PPFIA2: variants seen among roughly 807,000 people sequenced by gnomAD.
The protein encoded by PPFIA2 is liprin-alpha-2.
Under a neutral mutation model 175.5 loss-of-function variants are expected in PPFIA2, and 46 were observed. That is an observed-to-expected ratio of 0.26 (90% CI 0.21 to 0.34). PPFIA2 has a LOEUF of 0.34. Among genes scored for constraint, PPFIA2 ranks in the 10% least tolerant of loss-of-function variants. The probability of loss-of-function intolerance (pLI) is 1.00; values close to 1 mark genes in which losing one functional copy is unlikely to be tolerated. For missense variants in PPFIA2, 1,179 were observed against 1,506.1 expected (o/e 0.78, Z 3.60); for synonymous variants, 568 against 511.4 (o/e 1.11, Z -1.49).
chr12:81,271,448 T>C (rs1250704430), intron 28 of PPFIA2, among the ~76,000 whole-genome samples: 1 of 152,146 alleles, frequency 6.6e-6, no homozygotes, highest in African/African-American at 2.4e-5. Context: ...TTTTGTATTT[T>C]TGCTAGAGAT....
chr12:81,343,496 A>G (rs1231714493), intron 19 of PPFIA2, among the ~76,000 whole-genome samples: 1 of 152,112 alleles, frequency 6.6e-6, no homozygotes, highest in African/African-American at 2.4e-5. Context: ...TATTCAAGCC[A>G]TGTAAGAATA....
chr12:81,720,719 C>T (rs2079202120), intron 3 of PPFIA2, among the ~76,000 whole-genome samples: 1 of 151,212 alleles, frequency 6.6e-6, no homozygotes, highest in East Asian at 2.0e-4. Context: ...ATCAATTGTC[C>T]CTTAGTTCCT....
At chr12:81,596,697 G>A (rs1221291679) in intron 4 of PPFIA2, among the ~76,000 whole-genome samples, 1 of 152,064 alleles carries the variant, frequency 6.6e-6, no homozygotes, top group Non-Finnish European at 1.5e-5. Flanking sequence ...GCAGGATATT[G>A]TAAGAGGTGT....
At chr12:81,352,127 G>A (rs577314902) in intron 17 of PPFIA2, among the ~76,000 whole-genome samples, 1 of 152,038 alleles carries the variant, frequency 6.6e-6, no homozygotes, top group Non-Finnish European at 1.5e-5. Context: ...GGCCGAAGCT[G>A]TAAAGGCCAA....
intron 4 of PPFIA2, among the ~76,000 whole-genome samples, chr12:81,634,400 A>G (rs901762952): frequency 1.3e-5 from 2 of 151,970 alleles, no homozygotes; most frequent in Admixed American, 1.3e-4. Flanking sequence ...TTCATTTTGT[A>G]TTCTTTAAAG....
At chr12:81,734,470 A>G (rs1474008205) in intron 3 of PPFIA2, among the ~76,000 whole-genome samples, 2 of 151,772 alleles carry the variant, frequency 1.3e-5, no homozygotes, top group Non-Finnish European at 2.9e-5. Flanking sequence ...TTGAAGACAT[A>G]ATAAGAAGCT....
chr12:81,366,033 C>T (rs1365594826), intron 14 of PPFIA2, among the ~76,000 whole-genome samples: 2 of 117,904 alleles, frequency 1.7e-5, no homozygotes, highest in Non-Finnish European at 3.5e-5. Flanking sequence ...TTCCTTCCTT[C>T]CCTCCCTCCC....
chr12:81,687,742 G>A (rs947842830), intron 3 of PPFIA2, among the ~76,000 whole-genome samples: 3 of 151,780 alleles, frequency 2.0e-5, no homozygotes, highest in African/African-American at 7.3e-5. Flanking sequence ...ACACAAATTA[G>A]AAAGGTTTGG....
intron 29 of PPFIA2, among the ~76,000 whole-genome samples, chr12:81,267,453 G>A (rs1434636986): frequency 6.6e-6 from 1 of 152,130 alleles, no homozygotes; most frequent in East Asian, 1.9e-4. Flanking sequence ...CCTATCTCTT[G>A]ACAACTGATG....
At chr12:81,715,255 C>T (rs938120434) in intron 3 of PPFIA2, among the ~76,000 whole-genome samples, 5 of 147,050 alleles carry the variant, frequency 3.4e-5, no homozygotes, top group Non-Finnish European at 7.4e-5. Flanking sequence ...ACTGTGTGAA[C>T]TGTTTATCTT....
At chr12:81,359,068 AATG>A (rs762702447) in intron 15 of PPFIA2, among the ~76,000 whole-genome samples, 9 of 152,222 alleles carry the variant, frequency 5.9e-5, no homozygotes, top group Non-Finnish European at 1.2e-4. Context: ...TTGTTACAAT[AATG>A]ATGATAATAA....
chr12:81,398,598 A>C (rs1346554349), intron 8 of PPFIA2, among the ~76,000 whole-genome samples: 2 of 152,104 alleles, frequency 1.3e-5, no homozygotes, highest in Non-Finnish European at 2.9e-5. Context: ...TACAGAGATC[A>C]AATAAAACAA....
intron 3 of PPFIA2, among the ~76,000 whole-genome samples, chr12:81,750,354 G>C (rs1220882550): frequency 7.0e-6 from 1 of 143,490 alleles, no homozygotes; most frequent in Non-Finnish European, 1.6e-5. Flanking sequence ...GAAGAGTAGA[G>C]AGATTTGAGA....
At chr12:81,502,895 G>T (rs2060738483) in intron 4 of PPFIA2, among the ~76,000 whole-genome samples, 2 of 151,914 alleles carry the variant, frequency 1.3e-5, no homozygotes, top group Non-Finnish European at 2.9e-5. Flanking sequence ...AATGCAACTT[G>T]TACCACTCCA....
intron 28 of PPFIA2, among the ~76,000 whole-genome samples, chr12:81,275,265 A>C (rs1213301275): frequency 6.6e-6 from 1 of 152,240 alleles, no homozygotes; most frequent in Non-Finnish European, 1.5e-5. Flanking sequence ...CAATTTTGAT[A>C]ATGGAAAAGC....
chr12:81,705,220 C>G (rs914349299), intron 3 of PPFIA2, among the ~76,000 whole-genome samples: 3 of 150,252 alleles, frequency 2.0e-5, no homozygotes, highest in African/African-American at 7.3e-5. Flanking sequence ...GAGGCCGAGG[C>G]GGGCAGATCA....
intron 19 of PPFIA2, among the ~76,000 whole-genome samples, chr12:81,343,277 A>G (rs1383380030): frequency 6.6e-6 from 1 of 152,096 alleles, no homozygotes; most frequent in Non-Finnish European, 1.5e-5. Context: ...ATTATTTGAG[A>G]CTACATTTTC....
intron 4 of PPFIA2, among the ~76,000 whole-genome samples, chr12:81,482,670 A>C (rs1335438940): frequency 2.0e-5 from 3 of 152,166 alleles, no homozygotes; most frequent in African/African-American, 7.2e-5. Context: ...TCTCACTCAT[A>C]ACGGGGAGCT....
chr12:81,502,975 A>G (rs2060750424), intron 4 of PPFIA2, among the ~76,000 whole-genome samples: 1 of 152,156 alleles, frequency 6.6e-6, no homozygotes, highest in Admixed American at 6.6e-5. Flanking sequence ...ATGTCTATGG[A>G]AATTTTAAGA....
Sources: gnomAD v4.1 joint callset for allele counts (sites outside exome capture counted in the v4.1 genomes callset) on GRCh38, gnomAD v4.1.1 for gene constraint, MANE v1.5 for transcripts, NCBI Gene and HGNC (gene_info 2026-07-23, HGNC 2026-07-21) for gene names.